UNC45A: variants seen among roughly 807,000 people sequenced by gnomAD.
UNC45A encodes unc-45 myosin chaperone A.
Under a neutral mutation model 103.2 loss-of-function variants are expected in UNC45A, and 78 were observed. The ratio of observed to expected loss-of-function variants is 0.76; its 90% CI spans 0.63 to 0.91. The LOEUF (loss-of-function observed/expected upper bound fraction) is 0.91. UNC45A is among the 40% of genes least tolerant of loss of function. The probability of loss-of-function intolerance (pLI) is 0.00; values close to 1 mark genes in which losing one functional copy is unlikely to be tolerated. For synonymous variants in UNC45A, 495 were observed against 504.6 expected, an observed-to-expected ratio of 0.98 and a Z score of 0.25; for missense variants, 1,193 against 1,224.8, an observed-to-expected ratio of 0.97 and a Z score of 0.39.
chr15:90,943,186 C>T (rs976483359), intron 8 of UNC45A, 104 bp downstream of exon 8: 2 of 1,375,500 alleles, frequency 1.5e-6, no homozygotes, highest in Admixed American at 2.4e-5. Flanking sequence ...GTGGATGACA[C>T]ACTTTGAGAG....
At chr15:90,941,973 A>G (rs964485403) in intron 6 of UNC45A, among the ~76,000 whole-genome samples, 4 of 149,942 alleles carry the variant, frequency 2.7e-5, no homozygotes, top group African/African-American at 7.3e-5. Flanking sequence ...AAAAAAAAAA[A>G]AAAGAAAAAA....
chr15:90,946,128 C>T (rs1442894182), intron 9 of UNC45A, among the ~76,000 whole-genome samples: 1 of 150,980 alleles, frequency 6.6e-6, no homozygotes, highest in African/African-American at 2.4e-5. Context: ...GTGGTGGGTG[C>T]CTGTAATCCC....
chr15:90,932,474 G>T, upstream of UNC45A: 1 of 1,323,230 alleles, frequency 7.6e-7, no homozygotes, highest in Non-Finnish European at 9.6e-7. Flanking sequence ...TCCTTCCGCC[G>T]CTGCTGCCGG....
chr15:90,940,231 G>T, intron 5 of UNC45A, 75 bp from the exon 6 acceptor site: 1 of 1,512,998 alleles, frequency 6.6e-7, no homozygotes. Context: ...TCCAGGGCTC[G>T]GGGCCCCTGC....
Position 90,949,309 on chromosome 15 carries a change from C to T in UNC45A, c.1879-7C>T, listed in dbSNP as rs1309208210. The T allele has an allele frequency of 6.2e-7, 1 of 1,610,272 alleles. No homozygotes were observed. Among genetic ancestry groups the T allele is most frequent in the Non-Finnish European group, 8.5e-7 (1 of 1,179,822 alleles). On this transcript the variant is annotated splice_polypyrimidine_tract_variant and splice_region_variant and intron_variant, in intron 13 of 19. Coordinates refer to ENST00000418476, the MANE Select transcript of UNC45A (RefSeq NM_018671.5). ...AGGCCCCTCTCCTAAGCTGCCTCCT[C>T]CCCCAGGACAAGCCAAGCTTCGTGC...
chr15:90,936,291 A>G lies in UNC45A; in HGVS notation c.257A>G (p.Glu86Gly), dbSNP rs987402574. ...KAETEASKAI[E>G]KDGGDVKALY... Reference sequence around the variant, plus strand: ...CGCTCCTGTTTGTGCTCAGCCATTGAAAAGGATGGTGGGGATGTCAAAGCA... The same window carrying G: ...CGCTCCTGTTTGTGCTCAGCCATTGGAAAGGATGGTGGGGATGTCAAAGCA... The change falls in exon 4 of 20, where the codon GAA becomes GGA. Residue 86 changes from glutamate (E) to glycine (G), a missense_variant. Physicochemically the swap from Glu to Gly is moderately conservative, Grantham distance 98. Transcript: ENST00000418476. 3.7e-5 allele frequency: 60 copies of G among 1,612,112 alleles called. No homozygotes were observed. Among genetic ancestry groups the G allele is most frequent in the Non-Finnish European group, 4.8e-5 (57 of 1,179,276 alleles).
chr15:90,935,543 G>A lies in UNC45A; in HGVS notation c.52-1G>A, dbSNP rs762360162. 1.1e-5 allele frequency: 17 copies of A among 1,601,410 alleles called. No individual in the cohort carries two copies. Among genetic ancestry groups the A allele is most frequent in the Non-Finnish European group, 1.4e-5 (17 of 1,173,786 alleles). On this transcript the variant is annotated splice_acceptor_variant, in intron 1 of 19. Transcript: ENST00000418476. LOFTEE classifies it high-confidence loss of function. Reference sequence around the variant, plus strand: ...CGTTTCCGCCCCCTTTCTCTCTACAGGCCAGCTCAGTGGAGCAGCTGCGGA... The same window carrying A: ...CGTTTCCGCCCCCTTTCTCTCTACAAGCCAGCTCAGTGGAGCAGCTGCGGA...
intron 6 of UNC45A, 87 bp downstream of exon 6, chr15:90,940,560 C>T (rs370837974): frequency 1.3e-6 from 2 of 1,489,958 alleles, no homozygotes; most frequent in Non-Finnish European, 1.8e-6. Flanking sequence ...TGTCCATCCG[C>T]CCATCTGCCC....
upstream of UNC45A, chr15:90,930,767 C>T (rs761739026): frequency 2.6e-4 from 44 of 170,216 alleles, no homozygotes; most frequent in Non-Finnish European, 5.1e-4. Context: ...GATAATTACA[C>T]AACCCATGTC....
chr15:90,942,962 A>G lies in UNC45A; in HGVS notation c.907A>G (p.Thr303Ala). Residue 303 changes from threonine to alanine, a missense_variant, in exon 8 of 20, where the codon ACA becomes GCA. Coordinates refer to ENST00000418476, the MANE Select transcript of UNC45A (RefSeq NM_018671.5). ...CATCAGTAACCTCTTAGATCTGCTG[A>G]CAGAGGTGGGGGTCTCTGGCCAAGG... ...VLISNLLDLLTEVGVSGQGRD... is the reference protein window; with the variant it reads ...VLISNLLDLLAEVGVSGQGRD... The G allele has an allele frequency of 6.2e-7, 1 of 1,614,064 alleles. No homozygotes were observed. The highest frequency in any genetic ancestry group is 1.7e-5 in the Admixed American group (1 of 60,002).
chr15:90,942,840 G>A (rs75795338), intron 7 of UNC45A, 72 bp from the exon 8 acceptor site: 1 of 1,536,316 alleles, frequency 6.5e-7, no homozygotes, highest in Admixed American at 2.0e-5. Flanking sequence ...TCCCTGGTTT[G>A]TTGGAGAAGT....
intron 15 of UNC45A, chr15:90,949,928 A>G: frequency 1.5e-6 from 1 of 671,786 alleles, no homozygotes; most frequent in South Asian, 1.8e-5. Flanking sequence ...CCTAGGCTCT[A>G]CTGTTCCTTT....
At chr15:90,941,837 T>C (rs2036302858) in intron 6 of UNC45A, among the ~76,000 whole-genome samples, 1 of 151,546 alleles carries the variant, frequency 6.6e-6, no homozygotes, top group African/African-American at 2.4e-5. Flanking sequence ...CGGGCGCCTG[T>C]AATCCCAGTT....
At chr15:90,949,953 C>T (rs758368512) in intron 15 of UNC45A, 5 of 667,864 alleles carry the variant, frequency 7.5e-6, no homozygotes, top group Non-Finnish European at 1.3e-5. Context: ...CATTTACCCC[C>T]ATGGCCCTGG....
upstream of UNC45A, chr15:90,932,228 G>A (rs1692420621): frequency 1.7e-6 from 2 of 1,151,872 alleles, no homozygotes; most frequent in South Asian, 1.6e-5. Context: ...GGTGACCTTG[G>A]TCAAGTACCT....
intron 5 of UNC45A, 115 bp downstream of exon 5, chr15:90,939,938 A>G: frequency 1.0e-6 from 1 of 981,670 alleles, no homozygotes; most frequent in Non-Finnish European, 1.5e-6. Flanking sequence ...AGCTGGGCTC[A>G]CGGGGCCTGG....
chr15:90,934,879 C>G (rs188563182), upstream of UNC45A: 462 of 436,884 alleles, frequency 1.1e-3, no homozygotes, highest in African/African-American at 7.8e-3. Context: ...TTCTGTACCC[C>G]CCACAGAGCG....
intron 4 of UNC45A, among the ~76,000 whole-genome samples, chr15:90,937,314 C>G (rs560796177): frequency 6.6e-6 from 1 of 152,142 alleles, no homozygotes; most frequent in South Asian, 2.1e-4. Flanking sequence ...CCACTGCACT[C>G]CAGCCTGGCT....
intron 4 of UNC45A, among the ~76,000 whole-genome samples, chr15:90,938,065 G>A (rs939898032): frequency 2.6e-5 from 4 of 152,274 alleles, no homozygotes; most frequent in Admixed American, 2.6e-4. Context: ...CCAACTGGCT[G>A]GGATAACAGG....
Sources: allele counts gnomAD v4.1 joint callset (sites outside exome capture counted in the v4.1 genomes callset), GRCh38; gene constraint gnomAD v4.1.1; transcripts MANE v1.5; gene names NCBI Gene and HGNC (gene_info 2026-07-23, HGNC 2026-07-21).